Variants in DPYD observed in about 807,000 individuals in gnomAD.
DPYD encodes dihydropyrimidine dehydrogenase.
Under a neutral mutation model 116.2 loss-of-function variants are expected in DPYD, and 109 were observed. That is an observed-to-expected ratio of 0.94 (90% CI 0.80 to 1.10). The LOEUF is 1.10. Among genes scored for constraint, DPYD ranks in the 50% least tolerant of loss-of-function variants. The pLI is 0.00. For missense variants in DPYD, 1,302 were observed against 1,254.5 expected (o/e 1.04, Z -0.57); for synonymous variants, 440 against 432.0 (o/e 1.02, Z -0.23).
At chr1:97,720,889 T>C in intron 5 of DPYD, 2 of 1,609,690 alleles carry the variant, frequency 1.2e-6, no homozygotes, top group Non-Finnish European at 1.7e-6. Flanking sequence ...TCAAAGTCTT[T>C]ACAAATGATT....
intron 14 of DPYD, among the ~76,000 whole-genome samples, chr1:97,401,500 G>T (rs1462270671): frequency 1.3e-5 from 2 of 152,072 alleles, no homozygotes; most frequent in African/African-American, 4.8e-5. Flanking sequence ...TTTTAGTAGA[G>T]ATGGGGTTTT....
intron 20 of DPYD, among the ~76,000 whole-genome samples, chr1:97,121,320 C>T (rs61056107): frequency 0.01 from 1,590 of 152,302 alleles, 10 homozygotes; most frequent in Non-Finnish European, 0.014. Flanking sequence ...TTCTTCCCTG[C>T]CTCCTGCCAC....
chr1:97,480,677 T>A (rs1310686882), intron 13 of DPYD, among the ~76,000 whole-genome samples: 3 of 152,192 alleles, frequency 2.0e-5, no homozygotes, highest in South Asian at 2.1e-4. Flanking sequence ...GTGAAGTTTT[T>A]AGTTTTAAAA....
At chr1:97,612,858 T>C (rs1656033950) in intron 8 of DPYD, among the ~76,000 whole-genome samples, 1 of 151,996 alleles carries the variant, frequency 6.6e-6, no homozygotes, top group Non-Finnish European at 1.5e-5. Flanking sequence ...TCTATGAGCA[T>C]GTGCTTCTCT....
intron 1 of DPYD, among the ~76,000 whole-genome samples, chr1:97,919,893 G>A (rs1558054173): frequency 6.6e-6 from 1 of 152,158 alleles, no homozygotes. Flanking sequence ...AATTACGGAG[G>A]CAAAATGTGG....
intron 13 of DPYD, among the ~76,000 whole-genome samples, chr1:97,485,379 T>G (rs1678571241): frequency 6.6e-6 from 1 of 152,072 alleles, no homozygotes; most frequent in African/African-American, 2.4e-5. Context: ...TTTTTCTATG[T>G]TTAGTAGAGA....
intron 22 of DPYD, among the ~76,000 whole-genome samples, chr1:97,080,596 GT>G (rs745719215): frequency 3.9e-4 from 59 of 152,160 alleles, no homozygotes; most frequent in Non-Finnish European, 7.7e-4. Context: ...TTGGTGCTAT[GT>G]TTTGTAAAAC....
chr1:97,656,093 A>G (rs1467012422), intron 8 of DPYD, among the ~76,000 whole-genome samples: 1 of 152,188 alleles, frequency 6.6e-6, no homozygotes, highest in African/African-American at 2.4e-5. Flanking sequence ...ATCTAAATGT[A>G]CCATTTTCCA....
At chr1:97,574,719 T>C (rs548668293) in intron 10 of DPYD, among the ~76,000 whole-genome samples, 4 of 152,180 alleles carry the variant, frequency 2.6e-5, no homozygotes, top group East Asian at 1.9e-4. Flanking sequence ...TTTCCATTAA[T>C]TGTTTTTGGA....
At chr1:97,719,216 G>A (rs1662788240) in intron 5 of DPYD, among the ~76,000 whole-genome samples, 1 of 144,290 alleles carries the variant, frequency 6.9e-6, no homozygotes, top group African/African-American at 2.6e-5. Context: ...TTCTACATAA[G>A]GCTATGCATC....
intron 7 of DPYD, among the ~76,000 whole-genome samples, chr1:97,690,856 G>A (rs1354322781): frequency 3.9e-5 from 6 of 151,948 alleles, no homozygotes; most frequent in South Asian, 2.1e-4. Flanking sequence ...CAATTAAAAC[G>A]TAATTATAAA....
chr1:97,844,069 T>G (rs1670170261), intron 2 of DPYD, among the ~76,000 whole-genome samples: 1 of 152,000 alleles, frequency 6.6e-6, no homozygotes, highest in Admixed American at 6.6e-5. Flanking sequence ...TTCAAGATCT[T>G]AACAAAGGGA....
intron 20 of DPYD, among the ~76,000 whole-genome samples, chr1:97,164,258 G>C (rs1323042814): frequency 2.0e-5 from 3 of 152,090 alleles, no homozygotes; most frequent in Non-Finnish European, 4.4e-5. Flanking sequence ...AATAAACTAG[G>C]TATTGAAGGA....
At chr1:97,503,379 A>T (rs1482105585) in intron 13 of DPYD, among the ~76,000 whole-genome samples, 1 of 152,000 alleles carries the variant, frequency 6.6e-6, no homozygotes. Context: ...CAGGAGTATA[A>T]CTGAGCAAGG....
chr1:97,083,908 T>C (rs1649329972), intron 21 of DPYD, among the ~76,000 whole-genome samples: 1 of 152,146 alleles, frequency 6.6e-6, no homozygotes, highest in Non-Finnish European at 1.5e-5. Context: ...CAAGTCTGGG[T>C]TCCAGATGTG....
chr1:97,265,625 ATT>A (rs1664177460), intron 18 of DPYD: 1 of 152,226 alleles, frequency 6.6e-6, no homozygotes, highest in South Asian at 2.1e-4. Flanking sequence ...ATGTGGTAGA[ATT>A]TGTGTCATTG....
chr1:97,362,822 A>G (rs1431082526), intron 16 of DPYD, among the ~76,000 whole-genome samples: 1 of 152,210 alleles, frequency 6.6e-6, no homozygotes, highest in Non-Finnish European at 1.5e-5. Context: ...TTAAAGACTC[A>G]CATGTTAGAC....
At chr1:97,138,524 T>A (rs1653973021) in intron 20 of DPYD, among the ~76,000 whole-genome samples, 1 of 152,180 alleles carries the variant, frequency 6.6e-6, no homozygotes, top group South Asian at 2.1e-4. Context: ...GCAGGAAATA[T>A]AATCCGGTGA....
At chr1:97,530,166 TCTGA>T (rs922081571) in intron 12 of DPYD, among the ~76,000 whole-genome samples, 2 of 151,750 alleles carry the variant, frequency 1.3e-5, no homozygotes, top group Non-Finnish European at 2.9e-5. Flanking sequence ...CTTTTTTAAG[TCTGA>T]CTAATATTCT....
Sources: gnomAD v4.1 joint callset for allele counts (sites outside exome capture counted in the v4.1 genomes callset) on GRCh38, gnomAD v4.1.1 for gene constraint, MANE v1.5 for transcripts, NCBI Gene and HGNC (gene_info 2026-07-23, HGNC 2026-07-21) for gene names.